Variants in ZNF440 observed in about 807,000 individuals in gnomAD.
ZNF440 encodes zinc finger protein 440.
A neutral mutation model predicts 49.7 loss-of-function variants in ZNF440; 47 were observed. The observed-to-expected ratio is 0.95, with a 90% CI of 0.75 to 1.21. The LOEUF is 1.21. ZNF440 is among the 50% of genes most tolerant of loss of function. The probability of loss-of-function intolerance (pLI) is 0.00; values close to 1 mark genes in which losing one functional copy is unlikely to be tolerated. For missense variants in ZNF440, 703 were observed against 715.0 expected (o/e 0.98, Z 0.19); for synonymous variants, 255 against 237.7 (o/e 1.07, Z -0.67).
rs935804570 is a variant in ZNF440 at position 11,833,710 on chromosome 19, A to G, written c.*746A>G. ...ATTTCTTCTAGTTCCCTTCAATATC[A>G]TGAAAGGACTCACACTGGAGAGAAG... On this transcript the variant is annotated 3_prime_UTR_variant, in exon 4 of 4. Transcript: ENST00000304060. The G allele has an allele frequency of 7.4e-6, 5 of 673,254 alleles. No individual in the cohort carries two copies. Among genetic ancestry groups the G allele is most frequent in the African/African-American group, 1.9e-5 (1 of 52,988 alleles). The allele number at this position is 673,254 out of a possible 1,614,324, so 41.7% of individuals were successfully genotyped here. A position where few individuals can be genotyped will look rare whatever the true frequency, so the allele number is the denominator to read the frequency against.
At chr19:11,820,395 T>C (rs1309043018) in intron 1 of ZNF440, among the ~76,000 whole-genome samples, 1 of 152,168 alleles carries the variant, frequency 6.6e-6, no homozygotes, top group Non-Finnish European at 1.5e-5. Flanking sequence ...TTTTTTTGTA[T>C]TTTTTGTAGA....
At chr19:11,826,756 C>T (rs1975872307) in intron 1 of ZNF440, among the ~76,000 whole-genome samples, 1 of 151,582 alleles carries the variant, frequency 6.6e-6, no homozygotes, top group South Asian at 2.1e-4. Flanking sequence ...CTCTGCCTCC[C>T]GGGTTTAAGC....
intron 1 of ZNF440, among the ~76,000 whole-genome samples, chr19:11,820,775 C>G (rs944940034): frequency 6.6e-6 from 1 of 152,044 alleles, no homozygotes; most frequent in African/African-American, 2.4e-5. Flanking sequence ...GACACATGAC[C>G]GTCAGCCAAT....
intron 1 of ZNF440, among the ~76,000 whole-genome samples, chr19:11,828,132 G>T (rs186931491): frequency 1.3e-5 from 2 of 152,228 alleles, no homozygotes; most frequent in East Asian, 3.9e-4. Flanking sequence ...GGAACACTAG[G>T]CATAAATTGG....
intron 1 of ZNF440, 25 bp downstream of exon 1, chr19:11,814,475 G>C: frequency 6.6e-7 from 1 of 1,511,700 alleles, no homozygotes; most frequent in Non-Finnish European, 8.8e-7. Flanking sequence ...GCTGGCGTCC[G>C]GGCGACTGGG....
At chr19:11,826,063 G>A (rs998940836) in intron 1 of ZNF440, among the ~76,000 whole-genome samples, 4 of 151,980 alleles carry the variant, frequency 2.6e-5, no homozygotes, top group Admixed American at 6.6e-5. Flanking sequence ...CCACCCGCTC[G>A]GCCTCCCAAA....
intron 1 of ZNF440, among the ~76,000 whole-genome samples, chr19:11,822,943 G>A (rs1975817354): frequency 6.6e-6 from 1 of 151,520 alleles, no homozygotes. Flanking sequence ...AATTAGTATA[G>A]CATTCAAAGC....
intron 1 of ZNF440, among the ~76,000 whole-genome samples, chr19:11,820,450 C>T (rs965882938): frequency 6.6e-6 from 1 of 152,140 alleles, no homozygotes; most frequent in African/African-American, 2.4e-5. Context: ...GATCTCTTGA[C>T]CTTGTGATCC....
Position 11,832,994 on chromosome 19 carries a change from A to G in ZNF440, c.*30A>G, listed in dbSNP as rs1166288798. 6 of 1,599,822 alleles carry G rather than the reference A, an allele frequency of 3.8e-6. No homozygotes were observed. Among genetic ancestry groups the G allele is most frequent in the Non-Finnish European group, 5.1e-6 (6 of 1,177,172 alleles). ...CTCTGTAGAGAGACCTTATAAATGT[A>G]AGATATGTGGGAGGGGCTTTTATTC... On this transcript the variant is annotated 3_prime_UTR_variant, in exon 4 of 4. Coordinates refer to ENST00000304060, the MANE Select transcript of ZNF440 (RefSeq NM_152357.3).
chr19:11,821,797 A>G (rs190504308), intron 1 of ZNF440, among the ~76,000 whole-genome samples: 4 of 152,328 alleles, frequency 2.6e-5, no homozygotes, highest in East Asian at 1.9e-4. Context: ...TTAACTTTAC[A>G]TTGCATTTGT....
Position 11,833,783 on chromosome 19 carries a change from C to G in ZNF440, c.*819C>G, listed in dbSNP as rs1205457163. 4.7e-6 allele frequency: 4 copies of G among 851,792 alleles called. No individual in the cohort carries two copies. Among genetic ancestry groups the G allele is most frequent in the Non-Finnish European group, 6.9e-6 (4 of 579,770 alleles). The allele number at this position is 851,792 out of a possible 1,614,324, so 52.8% of individuals were successfully genotyped here. A position where few individuals can be genotyped will look rare whatever the true frequency, so the allele number is the denominator to read the frequency against. On this transcript the variant is annotated 3_prime_UTR_variant, in exon 4 of 4. Transcript: ENST00000304060. ...GGAAAGCCTTCAGATCAGCCTCGCACCTTCAAATGCATGGAAGGACTCACA... is the reference window on the plus strand; with the variant it reads ...GGAAAGCCTTCAGATCAGCCTCGCAGCTTCAAATGCATGGAAGGACTCACA...
At chr19:11,818,852 C>T (rs1305648490) in intron 1 of ZNF440, among the ~76,000 whole-genome samples, 2 of 152,148 alleles carry the variant, frequency 1.3e-5, no homozygotes, top group Admixed American at 1.3e-4. Flanking sequence ...CAACCTAATT[C>T]ATTATGGTTT....
At chr19:11,821,945 G>A (rs747403030) in intron 1 of ZNF440, among the ~76,000 whole-genome samples, 1 of 152,216 alleles carries the variant, frequency 6.6e-6, no homozygotes, top group Non-Finnish European at 1.5e-5. Context: ...AACACAGAGT[G>A]GGGGGAACAT....
chr19:11,825,848 T>C (rs1402903249), intron 1 of ZNF440, among the ~76,000 whole-genome samples: 1 of 147,984 alleles, frequency 6.8e-6, no homozygotes, highest in East Asian at 2.0e-4. Context: ...AGAGTTTCAC[T>C]CTTCTTGCCC....
At chr19:11,825,170 A>T (rs1313611626) in intron 1 of ZNF440, among the ~76,000 whole-genome samples, 5 of 152,178 alleles carry the variant, frequency 3.3e-5, no homozygotes, top group South Asian at 2.1e-4. Flanking sequence ...AAAAAAATAA[A>T]AAATAATAAA....
chr19:11,819,310 C>T (rs1051016461), intron 1 of ZNF440, among the ~76,000 whole-genome samples: 2 of 152,116 alleles, frequency 1.3e-5, no homozygotes, highest in African/African-American at 4.8e-5. Context: ...TATGTAAAAG[C>T]TGTGTGTCAG....
chr19:11,820,207 C>T (rs1975781573), intron 1 of ZNF440, among the ~76,000 whole-genome samples: 1 of 152,050 alleles, frequency 6.6e-6, no homozygotes, highest in South Asian at 2.1e-4. Context: ...TCCATACACC[C>T]TCGTATCCTT....
At position 11,830,361 on chromosome 19, in the gene ZNF440, C is replaced by T; in HGVS notation, c.82C>T (p.Leu28Phe). 1 of 1,614,150 alleles carries T rather than the reference C, an allele frequency of 6.2e-7. No individual in the cohort carries two copies. The highest frequency in any genetic ancestry group is 8.5e-7 in the Non-Finnish European group (1 of 1,180,040). The change falls in exon 2 of 4, where the codon CTC becomes TTC. Residue 28 changes from leucine to phenylalanine, a missense_variant. By Grantham distance (22) the Leu-to-Phe change is conservative (BLOSUM62 0). Coordinates refer to ENST00000304060, the MANE Select transcript of ZNF440 (RefSeq NM_152357.3). ...TTTGCTGGATATTTCCCAGAGGAAACTCTACAGGGAAGTGATGCTGGAAAC... is the reference window on the plus strand; with the variant it reads ...TTTGCTGGATATTTCCCAGAGGAAATTCTACAGGGAAGTGATGCTGGAAAC... ...WALLDISQRK[L>F]YREVMLETFR...
At chr19:11,816,290 A>C (rs1349877815) in intron 1 of ZNF440, 1 of 152,228 alleles carries the variant, frequency 6.6e-6, no homozygotes, top group Non-Finnish European at 1.5e-5. Context: ...TGCTGAAGGA[A>C]GGGGGTCTGT....
Sources: allele counts gnomAD v4.1 joint callset (sites outside exome capture counted in the v4.1 genomes callset), GRCh38; gene constraint gnomAD v4.1.1; transcripts MANE v1.5; gene names NCBI Gene and HGNC (gene_info 2026-07-23, HGNC 2026-07-21).